The following MID1 variants were observed in gnomAD, a reference collection of about 807,000 sequenced individuals.
MID1 encodes the protein E3 ubiquitin-protein ligase Midline-1.
A neutral mutation model predicts 40.4 loss-of-function variants in MID1; 7 were observed. That is an observed-to-expected ratio of 0.17 (90% CI 0.10 to 0.33). MID1 has a LOEUF of 0.33. MID1 is among the 10% of genes least tolerant of loss of function. The probability of loss-of-function intolerance (pLI) is 1.00; values close to 1 mark genes in which losing one functional copy is unlikely to be tolerated. For missense variants in MID1, 367 were observed against 558.5 expected (o/e 0.66, Z 3.46); for synonymous variants, 229 against 221.2 (o/e 1.04, Z -0.31).
chrX:10,591,689 C>T lies in MID1; in HGVS notation c.-56-24086G>A, dbSNP rs189281345. ...TCCGTTCCCCCTTCCCACCTCCCCCCCTTCACCTCCCTGCCTATCAGCATC... is the reference window on the plus strand; with the variant it reads ...TCCGTTCCCCCTTCCCACCTCCCCCTCTTCACCTCCCTGCCTATCAGCATC... On this transcript the variant is annotated intron_variant, in intron 1 of 9. Transcript: ENST00000317552. 1.5e-4 allele frequency among the ~76,000 whole-genome samples: 16 copies of T among 109,342 alleles called. No individual in the cohort carries two copies. The East Asian group carries it at 2.0e-3, about 14-fold the overall frequency. The allele number at this position is 109,342 out of a possible 115,157, so 95.0% of individuals were successfully genotyped here.
chrX:10,828,240 C>G (rs903822739), intron 1 of MID1, among the ~76,000 whole-genome samples: 2 of 111,883 alleles, frequency 1.8e-5, no homozygotes, highest in Non-Finnish European at 3.8e-5. Flanking sequence ...CTTGCCTTAG[C>G]AAAGAGTGAA....
At chrX:10,730,907 A>G (rs2043444502) in intron 1 of MID1, among the ~76,000 whole-genome samples, 1 of 111,577 alleles carries the variant, frequency 9.0e-6, no homozygotes, top group African/African-American at 3.3e-5. Flanking sequence ...ATCACATCTT[A>G]TTGGAAATTA....
chrX:10,733,153 C>T (rs1025198359), intron 1 of MID1, among the ~76,000 whole-genome samples: 4 of 111,703 alleles, frequency 3.6e-5, no homozygotes, highest in East Asian at 2.8e-4. Flanking sequence ...TGAGCCACCG[C>T]GCCCGGCCGG....
At chrX:10,493,418 C>T (rs1459913511) in intron 4 of MID1, among the ~76,000 whole-genome samples, 2 of 111,597 alleles carry the variant, frequency 1.8e-5, no homozygotes, top group Non-Finnish European at 1.9e-5. Flanking sequence ...CCAGTGAGAT[C>T]GATTTTTGGA....
intron 1 of MID1, among the ~76,000 whole-genome samples, chrX:10,718,336 T>C (rs769291747): frequency 1.8e-5 from 2 of 111,501 alleles, no homozygotes; most frequent in Admixed American, 9.5e-5. Flanking sequence ...AAGAATCAAA[T>C]AGACACAATT....
In MID1 at chrX:10,727,253, C is replaced by A. The variant is rs191222025; in HGVS notation, c.-187+106301G>T. Among the ~76,000 whole-genome samples the A allele has an allele frequency of 1.3e-4, 14 of 111,409 alleles. No individual in the cohort carries two copies. The East Asian group carries it at 3.1e-3, about 25-fold the overall frequency. The stretch of plus-strand genomic sequence containing the variant: ...CCTCAGCCTCCCAAGTAGCTGGGAC[C>A]ACAGGTGCCTGCCACCATGCCCGGC... On this transcript the variant is annotated intron_variant, in intron 1 of 10. Transcript: ENST00000380785.
At chrX:10,731,966 C>CAAAAAAAAAAAAAAAAAAAAAAA (rs754605735) in intron 1 of MID1, among the ~76,000 whole-genome samples, 2 of 26,650 alleles carry the variant, frequency 7.5e-5, no homozygotes, top group African/African-American at 1.9e-4. Context: ...GAATCTATCA[C>CAAAAAAAAAAAAAAAAAAAAAAA]AAAAAAAAAA....
chrX:10,498,414 A>G (rs1247170966), intron 3 of MID1, among the ~76,000 whole-genome samples: 1 of 112,467 alleles, frequency 8.9e-6, no homozygotes, highest in East Asian at 2.8e-4. Flanking sequence ...GCACCTGGCC[A>G]GGAATTGATT....
intron 9 of MID1, among the ~76,000 whole-genome samples, chrX:10,451,839 T>TAAGTAAGTC (rs1928360847): frequency 8.9e-6 from 1 of 111,913 alleles, no homozygotes; most frequent in African/African-American, 3.3e-5. Context: ...TGTAAGTAAG[T>TAAGTAAGTC]AAGTCCATTA....
chrX:10,541,636 C>T (rs1933472067), intron 2 of MID1, among the ~76,000 whole-genome samples: 1 of 111,371 alleles, frequency 9.0e-6, no homozygotes, highest in South Asian at 3.7e-4. Context: ...CAGTTCTTTG[C>T]ACTTTGTAGT....
At chrX:10,769,166 A>G (rs1332702537) in intron 1 of MID1, among the ~76,000 whole-genome samples, 1 of 111,832 alleles carries the variant, frequency 8.9e-6, no homozygotes, top group African/African-American at 3.3e-5. Flanking sequence ...ATGTATCCAA[A>G]TAACCCATGA....
chrX:10,736,599 T>C (rs1371832138), intron 1 of MID1, among the ~76,000 whole-genome samples: 2 of 112,328 alleles, frequency 1.8e-5, no homozygotes, highest in African/African-American at 6.5e-5. Flanking sequence ...AGAGACATGT[T>C]GACATGTAGA....
intron 1 of MID1, among the ~76,000 whole-genome samples, chrX:10,656,135 G>C (rs1179623809): frequency 8.9e-6 from 1 of 112,109 alleles, no homozygotes; most frequent in Non-Finnish European, 1.9e-5. Context: ...GCAATCAAAA[G>C]AAGTTCTAAC....
chrX:10,502,332 T>A (rs1931590830), intron 3 of MID1, among the ~76,000 whole-genome samples: 1 of 112,443 alleles, frequency 8.9e-6, no homozygotes, highest in Non-Finnish European at 1.9e-5. Flanking sequence ...AGCCTTATAA[T>A]TCCTCTTGTG....
chrX:10,578,299 A>G, intron 1 of MID1, among the ~76,000 whole-genome samples: 1 of 112,840 alleles, frequency 8.9e-6, no homozygotes, highest in Non-Finnish European at 1.9e-5. Flanking sequence ...GTAGAATTCT[A>G]AAGAACTTTT....
At chrX:10,782,936 T>C (rs1264180704) in intron 1 of MID1, among the ~76,000 whole-genome samples, 3 of 111,341 alleles carry the variant, frequency 2.7e-5, no homozygotes, top group Non-Finnish European at 5.6e-5. Flanking sequence ...TTTCTGGGGG[T>C]AGGTGCCAGC....
At chrX:10,479,011 G>A (rs984112048) in intron 5 of MID1, among the ~76,000 whole-genome samples, 2 of 111,640 alleles carry the variant, frequency 1.8e-5, no homozygotes, top group South Asian at 7.6e-4. Flanking sequence ...TAGACAGAGA[G>A]TAGCATTGGA....
At chrX:10,818,332 T>C (rs2044153212) in intron 1 of MID1, among the ~76,000 whole-genome samples, 1 of 112,647 alleles carries the variant, frequency 8.9e-6, no homozygotes, top group Non-Finnish European at 1.9e-5. Context: ...TTGAGCAGTA[T>C]TTCACATGCA....
At chrX:10,549,398 G>A (rs1220956766) in intron 2 of MID1, among the ~76,000 whole-genome samples, 2 of 113,301 alleles carry the variant, frequency 1.8e-5, no homozygotes, top group Non-Finnish European at 3.7e-5. Flanking sequence ...CCAACTGTGA[G>A]ATCTAAACCA....
Sources: gnomAD v4.1 joint callset for allele counts (sites outside exome capture counted in the v4.1 genomes callset) on GRCh38, gnomAD v4.1.1 for gene constraint, MANE v1.5 for transcripts, NCBI Gene and HGNC (gene_info 2026-07-23, HGNC 2026-07-21) for gene names.